Variants in KDM2B observed in about 807,000 individuals in gnomAD.
The protein encoded by KDM2B is lysine demethylase 2B, also known as lysine-specific demethylase 2B.
A neutral mutation model predicts 150.0 loss-of-function variants in KDM2B; 26 were observed. That is an observed-to-expected ratio of 0.17 (90% CI 0.13 to 0.24). The LOEUF is 0.24. Ranked by LOEUF, KDM2B falls within the 10% of genes least tolerant of loss-of-function variation. KDM2B has a pLI of 1.00. For missense variants in KDM2B, 1,265 were observed against 1,816.9 expected, an observed-to-expected ratio of 0.70 and a Z score of 5.52; for synonymous variants, 734 against 729.5, an observed-to-expected ratio of 1.01 and a Z score of -0.10.
chr12:121,429,851 CAAACAAAAA>C lies in KDM2B; in HGVS notation c.*428_*436del. ...TAATGTAAGATGTAACAAAACCAAC[CAAACAAAAA>C]AAAGTGTCAAGACGGCAGCAGATGT... is the stretch of plus-strand genomic sequence containing the variant. On this transcript the variant is annotated 3_prime_UTR_variant, in exon 23 of 23. Coordinates refer to ENST00000377071, the MANE Select transcript of KDM2B (RefSeq NM_032590.5). 1 of 566,416 alleles carries C rather than the reference CAAACAAAAA, an allele frequency of 1.8e-6. No homozygotes were observed. Among genetic ancestry groups the C allele is most frequent in the Non-Finnish European group, 3.1e-6 (1 of 319,902 alleles). The allele number at this position is 566,416 out of a possible 1,614,324, so 35.1% of individuals were successfully genotyped here.
At chr12:121,535,813 T>C (rs911912107) in intron 6 of KDM2B, among the ~76,000 whole-genome samples, 1 of 152,008 alleles carries the variant, frequency 6.6e-6, no homozygotes, top group Non-Finnish European at 1.5e-5. Context: ...TGCTGCCCTC[T>C]TAGGAGTGGG....
Position 121,546,258 on chromosome 12 carries a change from A to G in KDM2B, c.683+2619T>C, listed in dbSNP as rs1420403911. The stretch of plus-strand genomic sequence containing the variant: ...AATGAATCAATCAACCAATCAATGA[A>G]CCATCATCTCAATCAATCAATGAGC... On this transcript the variant is annotated intron_variant, in intron 6 of 22. Coordinates refer to ENST00000377071, the MANE Select transcript of KDM2B (RefSeq NM_032590.5). Among the ~76,000 whole-genome samples the G allele has an allele frequency of 2.6e-5, 4 of 151,776 alleles. No individual in the cohort carries two copies. The East Asian group carries it at 7.7e-4, about 29-fold the overall frequency.
At chr12:121,539,951 G>C (rs1888469578) in intron 6 of KDM2B, among the ~76,000 whole-genome samples, 1 of 151,974 alleles carries the variant, frequency 6.6e-6, no homozygotes, top group South Asian at 2.1e-4. Flanking sequence ...TATTGGCTAG[G>C]CTGCTCTCGA....
At position 121,537,876 on chromosome 12, in the gene KDM2B, A is replaced by T. The variant is rs1888278157; in HGVS notation, c.684-3286T>A. ...ACACCCGCCCCGCGCAGCGCCACAA[A>T]GGAGGGGGCGCCCGGGCAGCGCGGC... On this transcript the variant is annotated intron_variant, in intron 6 of 22. Transcript: ENST00000377071. The surrounding 1 kb of genome is among the most constrained non-coding windows in gnomAD (Gnocchi z 8.7). Among the ~76,000 whole-genome samples the T allele has an allele frequency of 6.6e-6, 1 of 151,458 alleles. No individual in the cohort carries two copies. Among genetic ancestry groups the T allele is most frequent in the South Asian group, 2.1e-4 (1 of 4,822 alleles).
intron 22 of KDM2B, among the ~76,000 whole-genome samples, chr12:121,438,496 C>T (rs1177051082): frequency 6.6e-6 from 1 of 152,156 alleles, no homozygotes; most frequent in Non-Finnish European, 1.5e-5. Flanking sequence ...CTCCCAGGCC[C>T]TCTCCAAAGG....
At chr12:121,460,970 G>A (rs145555704) in intron 12 of KDM2B, among the ~76,000 whole-genome samples, 2,076 of 152,288 alleles carry the variant, frequency 0.014, 22 homozygotes, top group Middle Eastern at 0.054. Flanking sequence ...GCACAGTTAA[G>A]TCATCCGCCC....
At chr12:121,573,886 C>T (rs962759542) in intron 4 of KDM2B, among the ~76,000 whole-genome samples, 9 of 152,160 alleles carry the variant, frequency 5.9e-5, no homozygotes, top group African/African-American at 2.2e-4. Flanking sequence ...TGCACCCGGC[C>T]ACTGTTTACT....
At chr12:121,509,391 G>A (rs886325354) in intron 11 of KDM2B, among the ~76,000 whole-genome samples, 176 bp downstream of exon 11, 1 of 151,806 alleles carries the variant, frequency 6.6e-6, no homozygotes, top group Non-Finnish European at 1.5e-5. Flanking sequence ...GCCTCTGCTT[G>A]GACACCCTAC....
At chr12:121,497,176 A>G (rs559626177) in intron 11 of KDM2B, among the ~76,000 whole-genome samples, 1 of 152,124 alleles carries the variant, frequency 6.6e-6, no homozygotes. Flanking sequence ...AGCTTCCCCA[A>G]AGTCCCATAG....
chr12:121,571,521 G>C (rs1176432669), intron 4 of KDM2B, among the ~76,000 whole-genome samples: 1 of 151,478 alleles, frequency 6.6e-6, no homozygotes, highest in African/African-American at 2.4e-5. Flanking sequence ...CTTGAGGTCA[G>C]GACCTCAAGT....
chr12:121,466,844 G>T (rs566018224), intron 12 of KDM2B, among the ~76,000 whole-genome samples: 1 of 145,922 alleles, frequency 6.9e-6, no homozygotes, highest in Non-Finnish European at 1.5e-5. Context: ...CCGGCAACTT[G>T]CCCCGGGCCG....
the KDM2B span, chr12:121,420,579 C>A: frequency 1.2e-6 from 2 of 1,613,972 alleles, no homozygotes; most frequent in South Asian, 1.1e-5. Flanking sequence ...GGTTTCAGAA[C>A]CCCGGGCTCT....
At chr12:121,474,943 G>A (rs1881185962) in intron 12 of KDM2B, among the ~76,000 whole-genome samples, 1 of 152,112 alleles carries the variant, frequency 6.6e-6, no homozygotes, top group South Asian at 2.1e-4. Context: ...GAGACAGAGC[G>A]AGACTCTGTC....
At chr12:121,544,312 TAAAC>T (rs1201339942) in intron 6 of KDM2B, among the ~76,000 whole-genome samples, 1 of 150,566 alleles carries the variant, frequency 6.6e-6, no homozygotes, top group Non-Finnish European at 1.5e-5. Flanking sequence ...AAAAAACAAA[TAAAC>T]AAAAAGATTC....
At chr12:121,473,716 A>G (rs1290097291) in intron 12 of KDM2B, among the ~76,000 whole-genome samples, 3 of 78,618 alleles carry the variant, frequency 3.8e-5, no homozygotes, top group African/African-American at 1.6e-4. Context: ...CAAAACTCCC[A>G]ACTCAAAAAA....
At chr12:121,480,514 G>A (rs1384589400) in intron 12 of KDM2B, among the ~76,000 whole-genome samples, 1 of 146,182 alleles carries the variant, frequency 6.8e-6, no homozygotes, top group African/African-American at 2.5e-5. Flanking sequence ...GGGAGGTTGA[G>A]GCAGGAGAAT....
At chr12:121,580,508 T>C in intron 1 of KDM2B, 1 of 1,197,578 alleles carries the variant, frequency 8.4e-7, no homozygotes. Flanking sequence ...CCGGGAGTTG[T>C]GTGCAGAGCT....
intron 12 of KDM2B, among the ~76,000 whole-genome samples, chr12:121,490,707 C>T (rs1174898855): frequency 2.6e-5 from 4 of 152,170 alleles, no homozygotes; most frequent in Non-Finnish European, 5.9e-5. Flanking sequence ...AATCCTACAC[C>T]ACTCGTGGAA....
intron 2 of KDM2B, 138 bp downstream of exon 2, chr12:121,578,664 T>C: frequency 2.2e-5 from 3 of 134,932 alleles, no homozygotes; most frequent in Non-Finnish European, 4.6e-5. Context: ...ACCCCCCCAG[T>C]GCTCGGCCTC....
Sources: gnomAD v4.1 joint callset for allele counts (sites outside exome capture counted in the v4.1 genomes callset) on GRCh38, gnomAD v4.1.1 for gene constraint, Gnocchi (gnomAD v3.1) non-coding constraint, MANE v1.5 for transcripts, NCBI Gene and HGNC (gene_info 2026-07-23, HGNC 2026-07-21) for gene names.